The following SLC41A2 variants were observed in gnomAD, a reference collection of about 807,000 sequenced individuals.
SLC41A2 encodes SLC41A1-like 1.
A neutral mutation model predicts 58.3 loss-of-function variants in SLC41A2; 32 were observed. The observed-to-expected ratio is 0.55, with a 90% CI of 0.41 to 0.74. The LOEUF (loss-of-function observed/expected upper bound fraction) is 0.74. Among genes scored for constraint, SLC41A2 ranks in the 30% least tolerant of loss-of-function variants. The pLI is 0.00. For missense variants in SLC41A2, 514 were observed against 680.6 expected (o/e 0.76, Z 2.72); for synonymous variants, 190 against 235.0 (o/e 0.81, Z 1.75).
Position 104,866,526 on chromosome 12 carries a change from G to A in SLC41A2, c.1081C>T (p.Pro361Ser). ...TTGGCAGCTATTATAATCCAAATAGGGGTTAGAGCCAAGAAAAATACACCA... is the reference window on the plus strand; with the variant it reads ...TTGGCAGCTATTATAATCCAAATAGAGGTTAGAGCCAAGAAAAATACACCA... Reference protein sequence around the residue: ...LVGVFFLALTPIWIIIAAKHP... With the variant: ...LVGVFFLALTSIWIIIAAKHP... The change falls in exon 7 of 11, where the codon CCT becomes TCT. Residue 361 changes from proline to serine, a missense_variant. By Grantham distance (74) the Pro-to-Ser change is moderately conservative (BLOSUM62 -1). This residue lies in a region of SLC41A2 where 336 missense variants were observed against 430.0 expected (regional missense o/e 0.78). Coordinates refer to ENST00000258538, the MANE Select transcript of SLC41A2 (RefSeq NM_001352171.3). The A allele has an allele frequency of 6.2e-7, 1 of 1,611,532 alleles. No individual in the cohort carries two copies. Among genetic ancestry groups the A allele is most frequent in the Non-Finnish European group, 8.5e-7 (1 of 1,179,274 alleles).
At chr12:104,921,751 C>T (rs1285549524) in intron 2 of SLC41A2, among the ~76,000 whole-genome samples, 2 of 152,184 alleles carry the variant, frequency 1.3e-5, no homozygotes, top group African/African-American at 4.8e-5. Context: ...GTGCAATCCG[C>T]TCATAACTCT....
rs776323139 is a variant in SLC41A2 at position 104,886,424 on chromosome 12, C to G, written c.896G>C (p.Gly299Ala). ...ASLLQGIIMV[G>A]VIVGSKKTGI... Reference sequence around the variant, plus strand: ...AGTCTTCTTTGAACCAACGATAACCCCAACCATTATTATTCCTAGAAGAAA... The same window carrying G: ...AGTCTTCTTTGAACCAACGATAACCGCAACCATTATTATTCCTAGAAGAAA... The change falls in exon 6 of 11, where the codon GGG (glycine) becomes GCG (alanine). Residue 299 changes from glycine to alanine, a missense_variant. Coordinates refer to ENST00000258538, the MANE Select transcript of SLC41A2 (RefSeq NM_001352171.3). 3 of 1,612,908 alleles carry G rather than the reference C, an allele frequency of 1.9e-6. No homozygotes were observed. The East Asian group carries it at 6.7e-5, about 36-fold the overall frequency.
At chr12:104,907,530 G>A (rs1374833120) in intron 3 of SLC41A2, among the ~76,000 whole-genome samples, 1 of 152,102 alleles carries the variant, frequency 6.6e-6, no homozygotes, top group Non-Finnish European at 1.5e-5. Context: ...TAAATATTAA[G>A]TACCAAAAGT....
chr12:104,852,846 C>G (rs889208685), intron 8 of SLC41A2, among the ~76,000 whole-genome samples: 20 of 152,072 alleles, frequency 1.3e-4, no homozygotes, highest in Admixed American at 1.2e-3. Context: ...TCTTTAATGT[C>G]AAAAAATGCT....
chr12:104,891,108 C>A (rs11112226), intron 4 of SLC41A2, among the ~76,000 whole-genome samples: 11,361 of 152,268 alleles, frequency 0.075, 482 homozygotes, highest in Middle Eastern at 0.11. Flanking sequence ...TTCTTTTCTT[C>A]TCACTTTTGT....
Position 104,928,069 on chromosome 12 carries a change from C to T in SLC41A2, c.459G>A (p.Lys153=), listed in dbSNP as rs929620134. 1.2e-6 allele frequency: 2 copies of T among 1,614,036 alleles called. No individual in the cohort carries two copies. Among genetic ancestry groups the T allele is most frequent in the Non-Finnish European group, 1.7e-6 (2 of 1,180,032 alleles). Residue 153 remains lysine, a synonymous_variant, in exon 2 of 11, where the codon AAG becomes AAA. Coordinates refer to ENST00000258538, the MANE Select transcript of SLC41A2 (RefSeq NM_001352171.3). ...GCAATGCCATGATGCCACTGGATTC[C>T]TTTGGTAATTTTGGGGTCACTTCTA... ...AIVEVTPKLP[K]ESSGIMALQI...
At chr12:104,845,796 A>G (rs745323651) in intron 9 of SLC41A2, 47 bp downstream of exon 9, 1 of 1,551,192 alleles carries the variant, frequency 6.4e-7, no homozygotes, top group South Asian at 1.2e-5. Context: ...AATCTTAGAG[A>G]GCAATAGCCC....
chr12:104,845,888 C>T lies in SLC41A2; in HGVS notation c.1342G>A (p.Glu448Lys), dbSNP rs1269226805. 1 of 1,613,888 alleles carries T rather than the reference C, an allele frequency of 6.2e-7. No homozygotes were observed. The highest frequency in any genetic ancestry group is 8.5e-7 in the Non-Finnish European group (1 of 1,179,862). The change falls in exon 9 of 11, where the codon GAA (glutamate) becomes AAA (lysine). Residue 448 changes from glutamate to lysine, a missense_variant. Transcript: ENST00000258538. ...AATGGGTAGTAACAACCTTTGGGTT[C>T]ATCAGGCAATTCTCCTGGAATGCTA... ...LHSIPGELPD[E>K]PKGCYYPFRT...
intron 2 of SLC41A2, among the ~76,000 whole-genome samples, chr12:104,914,228 T>C (rs535258405): frequency 6.6e-6 from 1 of 152,280 alleles, no homozygotes; most frequent in South Asian, 2.1e-4. Context: ...CCGAACAACC[T>C]AGTAAGTATT....
chr12:104,944,215 G>C (rs962930744), intron 1 of SLC41A2, among the ~76,000 whole-genome samples: 2 of 152,200 alleles, frequency 1.3e-5, no homozygotes. Context: ...TATCCCCAGA[G>C]AGAAGTAGCA....
At chr12:104,899,936 G>A (rs528355039) in intron 3 of SLC41A2, among the ~76,000 whole-genome samples, 35 of 151,982 alleles carry the variant, frequency 2.3e-4, no homozygotes, top group East Asian at 7.7e-4. Flanking sequence ...GACTCATTTA[G>A]GTTATTCCTA....
At chr12:104,940,852 G>A (rs147544419) in intron 1 of SLC41A2, among the ~76,000 whole-genome samples, 1,871 of 149,988 alleles carry the variant, frequency 0.012, 52 homozygotes, top group African/African-American at 0.044. Context: ...ACGGGAGGCA[G>A]AGGTTGCAGT....
chr12:104,927,208 T>C (rs1232946494), intron 2 of SLC41A2, among the ~76,000 whole-genome samples: 1 of 152,166 alleles, frequency 6.6e-6, no homozygotes, highest in Non-Finnish European at 1.5e-5. Flanking sequence ...TAGATATTAA[T>C]TCATACCCTA....
At chr12:104,873,065 T>C (rs890400721) in intron 6 of SLC41A2, among the ~76,000 whole-genome samples, 1 of 152,210 alleles carries the variant, frequency 6.6e-6, no homozygotes, top group Non-Finnish European at 1.5e-5. Flanking sequence ...GGCAAACTTC[T>C]AGTTATAACT....
chr12:104,841,932 C>T (rs1446759000), intron 10 of SLC41A2, among the ~76,000 whole-genome samples: 2 of 152,048 alleles, frequency 1.3e-5, no homozygotes, highest in Non-Finnish European at 2.9e-5. Flanking sequence ...GGGAGAAATT[C>T]AGCATGCATT....
chr12:104,893,912 T>C (rs1231139101), intron 4 of SLC41A2, among the ~76,000 whole-genome samples: 1 of 152,018 alleles, frequency 6.6e-6, no homozygotes, highest in African/African-American at 2.4e-5. Flanking sequence ...TACAAAAAAA[T>C]AGAATGAATG....
chr12:104,907,236 T>C (rs1341129576), intron 3 of SLC41A2, among the ~76,000 whole-genome samples: 2 of 150,862 alleles, frequency 1.3e-5, no homozygotes, highest in Non-Finnish European at 2.9e-5. Flanking sequence ...TTTTAGCACT[T>C]CTTTACTTTC....
At chr12:104,916,648 A>G (rs1206759784) in intron 2 of SLC41A2, among the ~76,000 whole-genome samples, 1 of 152,132 alleles carries the variant, frequency 6.6e-6, no homozygotes, top group Non-Finnish European at 1.5e-5. Flanking sequence ...GGAACAGAAC[A>G]GAGCCCTCAG....
chr12:104,848,591 C>T (rs1405500223), intron 8 of SLC41A2, among the ~76,000 whole-genome samples: 1 of 151,986 alleles, frequency 6.6e-6, no homozygotes, highest in Non-Finnish European at 1.5e-5. Flanking sequence ...GAAGTCATCA[C>T]TACAGTGCAT....
Sources: allele counts gnomAD v4.1 joint callset (sites outside exome capture counted in the v4.1 genomes callset), GRCh38; gene constraint gnomAD v4.1.1; regional missense constraint gnomAD v4.1.1; transcripts MANE v1.5; gene names NCBI Gene and HGNC (gene_info 2026-07-23, HGNC 2026-07-21).